RTL1: variants seen among roughly 807,000 people sequenced by gnomAD.
RTL1 encodes the protein retrotransposon-like protein 1.
For missense variants in RTL1, 1,681 were observed against 1,767.5 expected (o/e 0.95, Z 0.88); for synonymous variants, 727 against 748.4 (o/e 0.97, Z 0.47).
In RTL1 at chr14:100,893,930, G is replaced by GAA. The variant is rs1382064433; in HGVS notation, c.-148-426_-148-425insTT. ...CCTCGCTGGCGTCCTCACTGGCCAT[G>GAA]GCCCTGCAGCCTTGCTCTTCAGTTC... is the stretch of plus-strand genomic sequence containing the variant. On this transcript the variant is annotated intron_variant, in intron 2 of 3. Coordinates refer to ENST00000649591, the MANE Select transcript of RTL1 (RefSeq NM_001134888.3). This position sits in a 1 kb window ranked among gnomAD's most constrained non-coding sequence, Gnocchi z 4.2. Among the ~76,000 whole-genome samples, 1 of 152,198 alleles carries GAA rather than the reference G, an allele frequency of 6.6e-6. No homozygotes were observed. Among genetic ancestry groups the GAA allele is most frequent in the Admixed American group, 6.5e-5 (1 of 15,282 alleles).
Position 100,883,800 on chromosome 14 carries a change from A to G in RTL1, c.989T>C (p.Leu330Pro). Residue 330 changes from leucine (L) to proline (P), a missense_variant, in exon 4 of 4, where the codon CTC becomes CCC. By Grantham distance (98) the Leu-to-Pro change is moderately conservative. Transcript: ENST00000649591. The surrounding 1 kb of genome is among the most constrained non-coding windows in gnomAD (Gnocchi z 5.9). ...EVLQAHLCQG[L>P]NEEIRHYLFR... ...TAGATAGTGCCTGATCTCCTCGTTGAGCCCCTGGCACAAGTGGGCCTGCAG... is the reference window on the plus strand; with the variant it reads ...TAGATAGTGCCTGATCTCCTCGTTGGGCCCCTGGCACAAGTGGGCCTGCAG... 1 of 1,551,620 alleles carries G rather than the reference A, an allele frequency of 6.4e-7. No individual in the cohort carries two copies. The highest frequency in any genetic ancestry group is 8.7e-7 in the Non-Finnish European group (1 of 1,146,974).
intron 3 of RTL1, among the ~76,000 whole-genome samples, chr14:100,891,340 C>T (rs978449082): frequency 6.6e-6 from 1 of 152,202 alleles, no homozygotes. Context: ...ATGCCAGGCC[C>T]CATGGGCCTC....
chr14:100,899,811 G>A (rs554216422), intron 2 of RTL1, among the ~76,000 whole-genome samples: 7 of 151,600 alleles, frequency 4.6e-5, no homozygotes, highest in Non-Finnish European at 8.8e-5. Flanking sequence ...TAGCCAACAC[G>A]CAGTACCCAG....
chr14:100,891,957 C>CTGGCCCAACAGG (rs2038785760), intron 3 of RTL1, among the ~76,000 whole-genome samples: 1 of 152,182 alleles, frequency 6.6e-6, no homozygotes, highest in African/African-American at 2.4e-5. Flanking sequence ...GAGGAGGTGG[C>CTGGCCCAACAGG]TGGCCCAACA....
At position 100,884,138 on chromosome 14, in the gene RTL1, G is replaced by C. The variant is rs150695048; in HGVS notation, c.651C>G (p.Ile217Met). 4 of 1,551,612 alleles carry C rather than the reference G, an allele frequency of 2.6e-6. No individual in the cohort carries two copies. The highest frequency in any genetic ancestry group is 4.9e-5 in the East Asian group (2 of 40,926). Residue 217 changes from isoleucine to methionine, a missense_variant, in exon 4 of 4, where the codon ATC becomes ATG. Ile to Met is a conservative substitution (Grantham distance 10, BLOSUM62 1). Transcript: ENST00000649591. ...SGDRREFHEF[I>M]VLCQLTLQSY... is the part of the protein sequence containing the mutation. ...TCTGTAAGGTCAGTTGGCAGAGTACGATGAACTCGTGGAATTCTCTGCGAT... is the reference window on the plus strand; with the variant it reads ...TCTGTAAGGTCAGTTGGCAGAGTACCATGAACTCGTGGAATTCTCTGCGAT...
intron 3 of RTL1, among the ~76,000 whole-genome samples, chr14:100,891,901 G>A (rs2038784808): frequency 1.3e-5 from 2 of 152,134 alleles, no homozygotes; most frequent in Admixed American, 1.3e-4. Context: ...TGTAGCTCTG[G>A]GGTTCCTAAG....
Position 100,881,581 on chromosome 14 carries a change from C to T in RTL1, c.3208G>A (p.Ala1070Thr), listed in dbSNP as rs1448994732. 3 of 1,551,628 alleles carry T rather than the reference C, an allele frequency of 1.9e-6. No homozygotes were observed. In the East Asian group the frequency reaches 7.3e-5, roughly 38 times the overall value. ...TGCAGAATGACGGCCCTGATCTGGG[C>T]CATGCTGAAGTGGGCGAGGAAGCTG... The part of the protein sequence containing the change: ...LNSFLAHFSM[A>T]QIRAVILHFF... Residue 1070 changes from alanine to threonine, a missense_variant, in exon 4 of 4, where the codon GCC (alanine) becomes ACC (threonine). Physicochemically the swap from Ala to Thr is moderately conservative, Grantham distance 58. Coordinates refer to ENST00000649591, the MANE Select transcript of RTL1 (RefSeq NM_001134888.3). The surrounding 1 kb of genome is among the most constrained non-coding windows in gnomAD (Gnocchi z 6.6).
chr14:100,893,213 G>A lies in RTL1; in HGVS notation c.-87+231C>T, dbSNP rs1191582354. Reference sequence around the variant, plus strand: ...CCCAACTCATTCTAGCTTATTTGGTGTTCGAGGAGGGACAGGACAGCTGGC... The same window carrying A: ...CCCAACTCATTCTAGCTTATTTGGTATTCGAGGAGGGACAGGACAGCTGGC... On this transcript the variant is annotated intron_variant, in intron 3 of 3. Coordinates refer to ENST00000649591, the MANE Select transcript of RTL1 (RefSeq NM_001134888.3). This position sits in a 1 kb window ranked among gnomAD's most constrained non-coding sequence, Gnocchi z 4.2. Among the ~76,000 whole-genome samples the A allele has an allele frequency of 6.6e-6, 1 of 152,218 alleles. No individual in the cohort carries two copies. The highest frequency in any genetic ancestry group is 1.5e-5 in the Non-Finnish European group (1 of 68,040).
intron 3 of RTL1, among the ~76,000 whole-genome samples, chr14:100,890,366 G>A (rs1019617253): frequency 6.7e-6 from 1 of 148,932 alleles, no homozygotes; most frequent in Admixed American, 6.7e-5. Context: ...CAGCTCGCCT[G>A]TACAGTAAAG....
intron 3 of RTL1, among the ~76,000 whole-genome samples, chr14:100,889,315 A>G (rs1324553002): frequency 1.3e-5 from 2 of 152,236 alleles, no homozygotes; most frequent in East Asian, 1.9e-4. Flanking sequence ...CATGTCCTCA[A>G]CATAAAATCT....
rs2140035353 is a variant in RTL1 at position 100,882,515 on chromosome 14, A to G, written c.2274T>C (p.His758=). The change falls in exon 4 of 4, where the codon CAT becomes CAC. Residue 758 remains histidine, a synonymous_variant. Transcript: ENST00000649591. Reference sequence around the variant, plus strand: ...TGTCCAGGGAGCAGTAGACGTTGTGATGGCGGAAGCGGACCAGGACTTGGC... The same window carrying G: ...TGTCCAGGGAGCAGTAGACGTTGTGGTGGCGGAAGCGGACCAGGACTTGGC... ...HVRQVLVRFR[H]HNVYCSLDKS... is the part of the protein sequence containing the mutation. 4 of 1,551,888 alleles carry G rather than the reference A, an allele frequency of 2.6e-6. No individual in the cohort carries two copies. The highest frequency in any genetic ancestry group is 2.6e-6 in the Non-Finnish European group (3 of 1,147,080).
intron 2 of RTL1, among the ~76,000 whole-genome samples, chr14:100,895,369 A>T (rs2038841405): frequency 6.6e-6 from 1 of 152,072 alleles, no homozygotes; most frequent in Non-Finnish European, 1.5e-5. Context: ...TGTGGCTGTA[A>T]ATCATCCTCC....
rs554549875 is a variant in RTL1 at position 100,893,811 on chromosome 14, G to A, written c.-148-306C>T. Among the ~76,000 whole-genome samples the A allele has an allele frequency of 4.6e-5, 7 of 152,090 alleles. No homozygotes were observed. Among genetic ancestry groups the A allele is most frequent in the Non-Finnish European group, 7.4e-5 (5 of 68,024 alleles). On this transcript the variant is annotated intron_variant, in intron 2 of 3. Coordinates refer to ENST00000649591, the MANE Select transcript of RTL1 (RefSeq NM_001134888.3). This position sits in a 1 kb window ranked among gnomAD's most constrained non-coding sequence, Gnocchi z 4.2. ...TCCCCATTTTTCAGAAGAGGAATCCGAGGCCTTGGGACCTACACCCACCCT... is the reference window on the plus strand; with the variant it reads ...TCCCCATTTTTCAGAAGAGGAATCCAAGGCCTTGGGACCTACACCCACCCT...
chr14:100,898,294 G>A (rs1263249219), intron 2 of RTL1, among the ~76,000 whole-genome samples: 4 of 152,178 alleles, frequency 2.6e-5, no homozygotes, highest in African/African-American at 7.2e-5. Flanking sequence ...ACTAATGCCC[G>A]ATAAAAAAGA....
chr14:100,894,035 G>A (rs1338180501), intron 2 of RTL1, among the ~76,000 whole-genome samples: 1 of 152,200 alleles, frequency 6.6e-6, no homozygotes, highest in Non-Finnish European at 1.5e-5. Flanking sequence ...GTCTGGCTGG[G>A]CGGGGTGGCT....
chr14:100,882,344 G>A lies in RTL1; in HGVS notation c.2445C>T (p.Phe815=). The A allele has an allele frequency of 1.3e-6, 2 of 1,551,680 alleles. No individual in the cohort carries two copies. Among genetic ancestry groups the A allele is most frequent in the Middle Eastern group, 1.7e-4 (1 of 5,992 alleles). ...CCACGAAGTGGCGGTAGGGGAAGAC[G>A]AATTCGATGAAGTTTCGCAGAGATA... The part of the protein sequence containing the change: ...SKLSLRNFIE[F]VFPYRHFVER... Residue 815 remains phenylalanine (F), a synonymous_variant, in exon 4 of 4, where the codon TTC becomes TTT. Transcript: ENST00000649591.
intron 2 of RTL1, among the ~76,000 whole-genome samples, chr14:100,898,802 A>G (rs1348832049): frequency 6.6e-6 from 1 of 152,214 alleles, no homozygotes; most frequent in Non-Finnish European, 1.5e-5. Flanking sequence ...GGGCCCCACG[A>G]AACACTGTGT....
chr14:100,890,666 G>A (rs894796876), intron 3 of RTL1, among the ~76,000 whole-genome samples: 4 of 152,086 alleles, frequency 2.6e-5, no homozygotes, highest in Non-Finnish European at 4.4e-5. Context: ...CTGGCTCTCT[G>A]GGCTGCCAGG....
At position 100,883,368 on chromosome 14, in the gene RTL1, A is replaced by C. The variant is rs1197462243; in HGVS notation, c.1421T>G (p.Leu474Arg). The C allele has an allele frequency of 1.3e-6, 2 of 1,551,200 alleles. No homozygotes were observed. Among genetic ancestry groups the C allele is most frequent in the Middle Eastern group, 1.7e-4 (1 of 5,992 alleles). The part of the protein sequence containing the change: ...GSLIGNEPVW[L>R]YTEPLVCIHQ... ...GATACACACCAGGGGCTCCGTGTAG[A>C]GCCAGACAGGCTCGTTGCCAATCAG... is the stretch of plus-strand genomic sequence containing the variant. The change falls in exon 4 of 4, where the codon CTC (leucine) becomes CGC (arginine). Residue 474 changes from leucine to arginine, a missense_variant. By Grantham distance (102) the Leu-to-Arg change is moderately radical. Transcript: ENST00000649591. The surrounding 1 kb of genome is among the most constrained non-coding windows in gnomAD (Gnocchi z 5.9).
Sources: allele counts gnomAD v4.1 joint callset (sites outside exome capture counted in the v4.1 genomes callset), GRCh38; gene constraint gnomAD v4.1.1; non-coding constraint Gnocchi (gnomAD v3.1); transcripts MANE v1.5; gene names NCBI Gene and HGNC (gene_info 2026-07-23, HGNC 2026-07-21).